The following ERBB4 variants were observed in gnomAD, a reference collection of about 807,000 sequenced individuals.
ERBB4 encodes erb-b2 receptor tyrosine kinase 4.
ERBB4 carries 42 observed loss-of-function variants against 158.0 expected under a neutral mutation model. The observed-to-expected ratio is 0.27, with a 90% CI of 0.21 to 0.34. ERBB4 has a LOEUF of 0.34. ERBB4 is among the 10% of genes least tolerant of loss of function. The pLI is 1.00. For missense variants in ERBB4, 1,333 were observed against 1,624.1 expected, an observed-to-expected ratio of 0.82 and a Z score of 3.08; for synonymous variants, 583 against 558.7, an observed-to-expected ratio of 1.04 and a Z score of -0.61.
At chr2:212,093,627 A>G (rs2078843381) in intron 2 of ERBB4, among the ~76,000 whole-genome samples, 1 of 152,230 alleles carries the variant, frequency 6.6e-6, no homozygotes, top group Non-Finnish European at 1.5e-5. Context: ...ACTCTCAGCC[A>G]ATTTATCCAA....
At chr2:211,932,058 A>G (rs185599478) in intron 3 of ERBB4, among the ~76,000 whole-genome samples, 2 of 152,122 alleles carry the variant, frequency 1.3e-5, no homozygotes, top group East Asian at 1.9e-4. Context: ...AGGTTTCAAA[A>G]CTCAGGCTTT....
intron 3 of ERBB4, among the ~76,000 whole-genome samples, chr2:211,874,146 GCAAA>G (rs2078431646): frequency 1.3e-5 from 2 of 152,082 alleles, no homozygotes; most frequent in South Asian, 2.1e-4. Flanking sequence ...GTCAAAAAAA[GCAAA>G]CAAACAAAAA....
chr2:212,399,876 T>TCAAAAA (rs888074495), intron 1 of ERBB4, among the ~76,000 whole-genome samples: 3 of 151,750 alleles, frequency 2.0e-5, no homozygotes, highest in Non-Finnish European at 4.4e-5. Context: ...AGATTCTGTC[T>TCAAAAA]CAAAAACAAA....
intron 3 of ERBB4, among the ~76,000 whole-genome samples, chr2:211,910,392 C>T (rs2079511743): frequency 6.8e-6 from 1 of 146,732 alleles, no homozygotes. Context: ...CACGTCCTTT[C>T]TCTTCCTGTG....
chr2:212,470,620 T>C (rs1326994757), intron 1 of ERBB4, among the ~76,000 whole-genome samples: 1 of 152,086 alleles, frequency 6.6e-6, no homozygotes, highest in Non-Finnish European at 1.5e-5. Context: ...CACTAACACA[T>C]GGTGAAAAGC....
At chr2:211,778,962 A>G (rs952304330) in intron 4 of ERBB4, 2 of 152,166 alleles carry the variant, frequency 1.3e-5, no homozygotes, top group Admixed American at 6.5e-5. Context: ...TTGTACCAAC[A>G]TGTATTCTGC....
At position 212,477,617 on chromosome 2, in the gene ERBB4, A is replaced by T. The variant is rs143424281; in HGVS notation, c.82+60832T>A. ...GATAAGAAAACATGTTTTTAAAAGC[A>T]ATGTTCCCTTCTTGAATATTTCCAC... On this transcript the variant is annotated intron_variant, in intron 1 of 27. Transcript: ENST00000342788. 1.5e-4 allele frequency among the ~76,000 whole-genome samples: 23 copies of T among 152,296 alleles called. 1 individual carries two copies. The East Asian group carries it at 4.2e-3, about 28-fold the overall frequency.
At chr2:211,994,698 C>T (rs368225290) in intron 2 of ERBB4, among the ~76,000 whole-genome samples, 3 of 152,220 alleles carry the variant, frequency 2.0e-5, no homozygotes, top group African/African-American at 7.2e-5. Context: ...ATCTTCTAGA[C>T]GTGAGTTGTA....
chr2:212,160,539 G>A lies in ERBB4; in HGVS notation c.83-35636C>T, dbSNP rs180869024. Among the ~76,000 whole-genome samples, 218 of 152,008 alleles carry A rather than the reference G, an allele frequency of 1.4e-3. 1 individual carries two copies. The highest frequency in any genetic ancestry group is 5.0e-3 in the African/African-American group (206 of 41,520). ...GAATGAAAACAATGAAAAATAAAAT[G>A]GCTGTTTTCTATGTCCCATTGTCTC... On this transcript the variant is annotated intron_variant, in intron 1 of 27. Coordinates refer to ENST00000342788, the MANE Select transcript of ERBB4 (RefSeq NM_005235.3).
intron 1 of ERBB4, among the ~76,000 whole-genome samples, chr2:212,185,737 A>G (rs2081998159): frequency 6.6e-6 from 1 of 152,138 alleles, no homozygotes; most frequent in Admixed American, 6.6e-5. Context: ...AGAGGACATA[A>G]TAGAATCTAA....
At chr2:211,731,280 CAA>C (rs1326176444) in intron 5 of ERBB4, among the ~76,000 whole-genome samples, 1 of 152,004 alleles carries the variant, frequency 6.6e-6, no homozygotes, top group African/African-American at 2.4e-5. Context: ...AGTTTTTATT[CAA>C]AGACTCATAC....
intron 1 of ERBB4, among the ~76,000 whole-genome samples, chr2:212,276,424 G>T (rs950974943): frequency 2.0e-5 from 3 of 151,704 alleles, no homozygotes; most frequent in Non-Finnish European, 4.4e-5. Context: ...GTGCCTTTTG[G>T]AAAGTAAGTG....
chr2:212,477,896 T>A (rs1049226607), intron 1 of ERBB4, among the ~76,000 whole-genome samples: 2 of 152,134 alleles, frequency 1.3e-5, no homozygotes, highest in African/African-American at 2.4e-5. Flanking sequence ...GCATCTCTCT[T>A]GCAATGTGTG....
chr2:212,291,976 A>G (rs1328048074), intron 1 of ERBB4, among the ~76,000 whole-genome samples: 1 of 152,026 alleles, frequency 6.6e-6, no homozygotes, highest in Non-Finnish European at 1.5e-5. Context: ...GAATTAGATC[A>G]TATCTGTTAT....
intron 2 of ERBB4, among the ~76,000 whole-genome samples, chr2:211,978,643 C>A (rs753077617): frequency 3.9e-5 from 6 of 152,096 alleles, no homozygotes; most frequent in Admixed American, 2.6e-4. Flanking sequence ...CTATTTTAGA[C>A]TTTATATGGT....
intron 1 of ERBB4, among the ~76,000 whole-genome samples, chr2:212,152,994 G>A (rs2080920337): frequency 6.6e-6 from 1 of 152,146 alleles, no homozygotes; most frequent in South Asian, 2.1e-4. Context: ...GCAAAGGTAA[G>A]AGACACTTAA....
chr2:211,885,309 A>T (rs2078769764), intron 3 of ERBB4, among the ~76,000 whole-genome samples: 1 of 152,190 alleles, frequency 6.6e-6, no homozygotes, highest in Non-Finnish European at 1.5e-5. Flanking sequence ...AAAGTCAATA[A>T]ATGAATCTCT....
At chr2:211,391,402 A>AGCTT (rs2062795680) in intron 25 of ERBB4, among the ~76,000 whole-genome samples, 2 of 152,344 alleles carry the variant, frequency 1.3e-5, no homozygotes, top group African/African-American at 4.8e-5. Flanking sequence ...ATCAAAGTCC[A>AGCTT]GCTTTGCAGA....
chr2:211,698,135 G>A (rs1413904959), intron 12 of ERBB4, among the ~76,000 whole-genome samples: 1 of 151,894 alleles, frequency 6.6e-6, no homozygotes, highest in Admixed American at 6.6e-5. Context: ...TAACTAACAT[G>A]GAGAAACCCC....
Sources: gnomAD v4.1 joint callset for allele counts (sites outside exome capture counted in the v4.1 genomes callset) on GRCh38, gnomAD v4.1.1 for gene constraint, MANE v1.5 for transcripts, NCBI Gene and HGNC (gene_info 2026-07-23, HGNC 2026-07-21) for gene names.